The following SLC45A4 variants were observed in gnomAD, a reference collection of about 807,000 sequenced individuals.
The protein encoded by SLC45A4 is solute carrier family 45 member 4, also known as polyamine-transporter SLC45A4.
A neutral mutation model predicts 63.7 loss-of-function variants in SLC45A4; 32 were observed. That is an observed-to-expected ratio of 0.50 (90% CI 0.38 to 0.67). SLC45A4 has a LOEUF of 0.67. SLC45A4 is among the 30% of genes least tolerant of loss of function. SLC45A4 has a pLI of 0.00. For synonymous variants in SLC45A4, 535 were observed against 510.0 expected (o/e 1.05, Z -0.66); for missense variants, 1,027 against 1,157.7 (o/e 0.89, Z 1.64).
chr8:141,233,930 G>A (rs1827492763), intron 2 of SLC45A4, among the ~76,000 whole-genome samples: 1 of 152,174 alleles, frequency 6.6e-6, no homozygotes, highest in African/African-American at 2.4e-5. Context: ...ATGGTTGAGT[G>A]GAGGCTGAAT....
intron 1 of SLC45A4, among the ~76,000 whole-genome samples, chr8:141,269,602 G>T (rs1829433713): frequency 6.6e-6 from 1 of 151,308 alleles, no homozygotes; most frequent in Non-Finnish European, 1.5e-5. Context: ...GTGTGTCTGT[G>T]TATCAATGTC....
chr8:141,218,673 C>T lies in SLC45A4; in HGVS notation c.967G>A (p.Glu323Lys), dbSNP rs557007381. The T allele has an allele frequency of 6.8e-5, 110 of 1,613,020 alleles. No homozygotes were observed. Among genetic ancestry groups the T allele is most frequent in the South Asian group, 2.0e-4 (18 of 91,056 alleles). The change falls in exon 5 of 9, where the codon GAG (glutamate) becomes AAG (lysine). Residue 323 changes from glutamate (E) to lysine (K), a missense_variant. Glu to Lys is a moderately conservative substitution (Grantham distance 56). Transcript: ENST00000517878. ...VPDTALDLEP[E>K]LLFLHDIEPS... is the part of the protein sequence containing the mutation. ...TCGATGTCGTGCAGGAACAGCAGCT[C>T]GGGCTCCAGGTCCAGCGCGGTGTCC...
At position 141,215,668 on chromosome 8, in the gene SLC45A4, G is replaced by T. The variant is rs540244454; in HGVS notation, c.1941+91C>A. 2 of 1,344,234 alleles carry T rather than the reference G, an allele frequency of 1.5e-6. No individual in the cohort carries two copies. Among genetic ancestry groups the T allele is most frequent in the Non-Finnish European group, 2.1e-6 (2 of 957,988 alleles). The allele number at this position is 1,344,234 out of a possible 1,614,324, so 83.3% of individuals were successfully genotyped here. On this transcript the variant is annotated intron_variant, in intron 7 of 8. Transcript: ENST00000517878. The surrounding 1 kb of genome is among the most constrained non-coding windows in gnomAD (Gnocchi z 4.3). ...AAGGAGGGCCATCTGTGTCGTGAACGTCCCCCCGGGGAAGCACAGGGCTCT... is the reference window on the plus strand; with the variant it reads ...AAGGAGGGCCATCTGTGTCGTGAACTTCCCCCCGGGGAAGCACAGGGCTCT...
At chr8:141,280,919 C>T (rs953172469) in intron 1 of SLC45A4, among the ~76,000 whole-genome samples, 7 of 152,238 alleles carry the variant, frequency 4.6e-5, no homozygotes, top group African/African-American at 1.4e-4. Context: ...TCCGCAAGAC[C>T]GGGCTGTGCG....
intron 2 of SLC45A4, among the ~76,000 whole-genome samples, chr8:141,247,734 G>C (rs761721583): frequency 1.3e-5 from 2 of 152,160 alleles, no homozygotes; most frequent in Non-Finnish European, 2.9e-5. Flanking sequence ...CAAAAGGTAG[G>C]CATATTTCCT....
rs1260277231 is a variant in SLC45A4 at position 141,274,515 on chromosome 8, C to G, written c.-400-19886G>C. ...CACCATTGCACTCCAGCCTGGGCGACAAGAGAGAAACTCGGTCTCAAAAAA... is the reference window on the plus strand; with the variant it reads ...CACCATTGCACTCCAGCCTGGGCGAGAAGAGAGAAACTCGGTCTCAAAAAA... On this transcript the variant is annotated intron_variant, in intron 1 of 8. Transcript: ENST00000517878. Among the ~76,000 whole-genome samples the G allele has an allele frequency of 3.0e-5, 3 of 100,898 alleles. No homozygotes were observed. The South Asian group carries it at 9.5e-4, about 32-fold the overall frequency. The allele number at this position is 100,898 out of a possible 152,430, so 66.2% of individuals were successfully genotyped here.
At chr8:141,230,245 G>C (rs1827272775) in intron 2 of SLC45A4, 1 of 392,614 alleles carries the variant, frequency 2.5e-6, no homozygotes, top group Non-Finnish European at 5.0e-6. Flanking sequence ...TGTCAGGGCT[G>C]GGCCCTGGAG....
intron 5 of SLC45A4, 79 bp downstream of exon 5, chr8:141,217,932 C>T: frequency 4.1e-6 from 6 of 1,474,152 alleles, no homozygotes; most frequent in Non-Finnish European, 4.5e-6. Context: ...GAAGAGGCCC[C>T]CCGGCCCAGC....
chr8:141,228,569 C>T (rs949292391), intron 2 of SLC45A4: 5 of 1,215,572 alleles, frequency 4.1e-6, no homozygotes, highest in South Asian at 2.3e-5. Flanking sequence ...CCTCTCTGCC[C>T]TATCAGCACA....
chr8:141,211,329 G>T lies in SLC45A4; in HGVS notation c.*243C>A. The T allele has an allele frequency of 1.6e-6, 2 of 1,274,142 alleles. No homozygotes were observed. Among genetic ancestry groups the T allele is most frequent in the Non-Finnish European group, 2.1e-6 (2 of 948,322 alleles). The allele number at this position is 1,274,142 out of a possible 1,614,324, so 78.9% of individuals were successfully genotyped here. On this transcript the variant is annotated 3_prime_UTR_variant, in exon 9 of 9. Transcript: ENST00000517878. Reference sequence around the variant, plus strand: ...ACGGGACGAGCGGGGTCACATGGCTGGGCGCAGACACACTCACACGCGCAC... The same window carrying T: ...ACGGGACGAGCGGGGTCACATGGCTTGGCGCAGACACACTCACACGCGCAC...
chr8:141,291,789 T>C (rs1198922711), intron 1 of SLC45A4, among the ~76,000 whole-genome samples: 1 of 152,222 alleles, frequency 6.6e-6, no homozygotes, highest in Non-Finnish European at 1.5e-5. Flanking sequence ...GTGAACCCTC[T>C]GTATAGGTGT....
At chr8:141,276,464 A>G (rs1829731360) in intron 1 of SLC45A4, among the ~76,000 whole-genome samples, 1 of 152,172 alleles carries the variant, frequency 6.6e-6, no homozygotes, top group Non-Finnish European at 1.5e-5. Context: ...GTACGGAAAC[A>G]CTACAGAAGC....
In SLC45A4 at chr8:141,219,319, A is replaced by G. The variant is rs7820259; in HGVS notation, c.611-290T>C. Among the ~76,000 whole-genome samples, 544 of 152,340 alleles carry G rather than the reference A, an allele frequency of 3.6e-3. 2 individuals carry two copies. Among genetic ancestry groups the G allele is most frequent in the African/African-American group, 0.012 (480 of 41,590 alleles). ...TGAAGGGCATTCCCTCTGCATACGG[A>G]GCTGGCCACGTTCACCCTGGATGGG... On this transcript the variant is annotated intron_variant, in intron 4 of 8. Coordinates refer to ENST00000517878, the MANE Select transcript of SLC45A4 (RefSeq NM_001286646.2).
intron 2 of SLC45A4, among the ~76,000 whole-genome samples, chr8:141,222,984 G>A (rs892706396): frequency 3.3e-5 from 5 of 152,200 alleles, no homozygotes; most frequent in East Asian, 1.9e-4. Context: ...ACTTCCTTAC[G>A]AAATAAAGGT....
chr8:141,219,079 G>C lies in SLC45A4; in HGVS notation c.611-50C>G, dbSNP rs3739234. 1.9e-3 allele frequency: 2,966 copies of C among 1,571,398 alleles called. 55 individuals are homozygous for C. In the African/African-American group the frequency reaches 0.033, roughly 18 times the overall value. ...GTGAGCCGGTGGCACCAGGCCACAG[G>C]GGGGGAAGCTCTGGGAGGGCCTCTC... On this transcript the variant is annotated intron_variant, in intron 4 of 8. Coordinates refer to ENST00000517878, the MANE Select transcript of SLC45A4 (RefSeq NM_001286646.2).
In SLC45A4 at chr8:141,211,649, GCA is replaced by G; in HGVS notation, c.2348_2349del (p.Val783AlafsTer11). On this transcript the variant is annotated frameshift_variant, in exon 9 of 9. Transcript: ENST00000517878. LOFTEE classifies it low-confidence loss of function (END_TRUNC). The stretch of plus-strand genomic sequence containing the variant: ...AGAAAAATACTCTCCAACAGCTGCG[GCA>G]CCAGCCAATGTGACGAGATCTGACA... ...DVCQISSHWL[V>X]PQLLESIFLY... The G allele has an allele frequency of 6.2e-7, 1 of 1,609,136 alleles. No individual in the cohort carries two copies. Among genetic ancestry groups the G allele is most frequent in the Admixed American group, 1.7e-5 (1 of 59,716 alleles).
At chr8:141,302,402 T>TC (rs1830776471) in intron 1 of SLC45A4, among the ~76,000 whole-genome samples, 1 of 6,374 alleles carries the variant, frequency 1.6e-4, no homozygotes, top group Non-Finnish European at 3.5e-4. Flanking sequence ...CTGCCCTCCC[T>TC]CCCCCCGACC....
intron 4 of SLC45A4, 76 bp from the exon 5 acceptor site, chr8:141,219,105 C>T: frequency 1.3e-6 from 2 of 1,519,960 alleles, no homozygotes; most frequent in Non-Finnish European, 1.8e-6. Flanking sequence ...AGGGCCTCTC[C>T]CTCTAACAGG....
chr8:141,221,448 G>A, intron 3 of SLC45A4, 129 bp downstream of exon 3: 1 of 1,225,064 alleles, frequency 8.2e-7, no homozygotes, highest in Non-Finnish European at 1.1e-6. Context: ...GGTGGCCCCG[G>A]CAGCCCAGCC....
Sources: allele counts gnomAD v4.1 joint callset (sites outside exome capture counted in the v4.1 genomes callset), GRCh38; gene constraint gnomAD v4.1.1; non-coding constraint Gnocchi (gnomAD v3.1); transcripts MANE v1.5; gene names NCBI Gene and HGNC (gene_info 2026-07-23, HGNC 2026-07-21).